TAF3: variants seen among roughly 807,000 people sequenced by gnomAD.
TAF3 encodes the protein transcription initiation factor TFIID subunit 3.
Under a neutral mutation model 80.6 loss-of-function variants are expected in TAF3, and 7 were observed. The observed-to-expected ratio is 0.09, with a 90% CI of 0.05 to 0.16. The LOEUF is 0.16. Among genes scored for constraint, TAF3 ranks in the 10% least tolerant of loss-of-function variants. The pLI is 1.00. For synonymous variants in TAF3, 444 were observed against 446.1 expected, an observed-to-expected ratio of 1.00 and a Z score of 0.06; for missense variants, 921 against 1,140.2, an observed-to-expected ratio of 0.81 and a Z score of 2.77.
At chr10:7,913,066 G>A (rs1026468724) in intron 2 of TAF3, among the ~76,000 whole-genome samples, 1 of 152,098 alleles carries the variant, frequency 6.6e-6, no homozygotes, top group Non-Finnish European at 1.5e-5. Context: ...CCTCACGCAA[G>A]GGTCTTTGTG....
chr10:7,859,596 C>CGCCCTCCATTT (rs889513175), intron 2 of TAF3, among the ~76,000 whole-genome samples: 2 of 152,196 alleles, frequency 1.3e-5, no homozygotes, highest in African/African-American at 4.8e-5. Flanking sequence ...GAACCTTAGA[C>CGCCCTCCATTT]GCCCTCCATT....
intron 2 of TAF3, among the ~76,000 whole-genome samples, chr10:7,849,589 C>G (rs1837006207): frequency 6.6e-6 from 1 of 151,878 alleles, no homozygotes; most frequent in Non-Finnish European, 1.5e-5. Flanking sequence ...TTTAGTATTG[C>G]TTAGTTCATA....
intron 5 of TAF3, among the ~76,000 whole-genome samples, chr10:8,011,813 T>C (rs877345): frequency 6.6e-6 from 1 of 152,226 alleles, no homozygotes; most frequent in Non-Finnish European, 1.5e-5. Context: ...CTAAAAGTTC[T>C]GGTTTTCCAG....
chr10:7,942,516 T>C (rs1837985388), intron 2 of TAF3, among the ~76,000 whole-genome samples: 1 of 152,226 alleles, frequency 6.6e-6, no homozygotes, highest in South Asian at 2.1e-4. Flanking sequence ...GATTTACCCA[T>C]AAAATTATAA....
intron 2 of TAF3, among the ~76,000 whole-genome samples, chr10:7,910,056 G>C (rs961086502): frequency 2.6e-5 from 4 of 152,016 alleles, no homozygotes; most frequent in African/African-American, 4.8e-5. Flanking sequence ...TATTTTTATA[G>C]GTTTTCATTG....
At chr10:7,988,824 T>A (rs962903346) in intron 4 of TAF3, among the ~76,000 whole-genome samples, 7 of 151,858 alleles carry the variant, frequency 4.6e-5, no homozygotes, top group African/African-American at 7.3e-5. Flanking sequence ...TTATTTATTT[T>A]TTTATAGTAC....
chr10:7,855,758 G>C (rs955935327), intron 2 of TAF3, among the ~76,000 whole-genome samples: 1 of 152,008 alleles, frequency 6.6e-6, no homozygotes, highest in Non-Finnish European at 1.5e-5. Context: ...CAACTTAGAG[G>C]AAACAGTCAT....
At chr10:7,922,077 C>G (rs1837768097) in intron 2 of TAF3, among the ~76,000 whole-genome samples, 1 of 151,998 alleles carries the variant, frequency 6.6e-6, no homozygotes, top group African/African-American at 2.4e-5. Context: ...CAGTGATGGC[C>G]TGTTTACTTA....
At chr10:7,864,679 G>C (rs967784960) in intron 2 of TAF3, among the ~76,000 whole-genome samples, 4 of 152,110 alleles carry the variant, frequency 2.6e-5, no homozygotes, top group Non-Finnish European at 5.9e-5. Context: ...AGCTGTGAAA[G>C]TTCTTTACCT....
chr10:7,834,727 T>C (rs755200959), intron 2 of TAF3, among the ~76,000 whole-genome samples: 4 of 152,208 alleles, frequency 2.6e-5, no homozygotes, highest in Non-Finnish European at 4.4e-5. Flanking sequence ...ATTAGAATAT[T>C]CCATAATTAT....
chr10:8,009,404 A>G lies in TAF3; in HGVS notation c.2568+74A>G. The G allele has an allele frequency of 2.0e-6, 3 of 1,486,264 alleles. No individual in the cohort carries two copies. The highest frequency in any genetic ancestry group is 2.7e-6 in the Non-Finnish European group (3 of 1,116,836). The allele number at this position is 1,486,264 out of a possible 1,614,324, so 92.1% of individuals were successfully genotyped here. On this transcript the variant is annotated intron_variant, in intron 5 of 6. Coordinates refer to ENST00000344293, the MANE Select transcript of TAF3 (RefSeq NM_031923.4). This position sits in a 1 kb window ranked among gnomAD's most constrained non-coding sequence, Gnocchi z 4.1. ...AGACAAGTGTGTGCTCTGAATCACTATCGAATTTCAGACGCATTTCTCTTC... is the reference window on the plus strand; with the variant it reads ...AGACAAGTGTGTGCTCTGAATCACTGTCGAATTTCAGACGCATTTCTCTTC...
intron 2 of TAF3, among the ~76,000 whole-genome samples, chr10:7,873,915 T>G (rs1837291598): frequency 6.6e-6 from 1 of 152,250 alleles, no homozygotes; most frequent in Non-Finnish European, 1.5e-5. Context: ...TTAGGTTCCC[T>G]GTATCATCTT....
chr10:7,900,138 T>G (rs894537912), intron 2 of TAF3, among the ~76,000 whole-genome samples: 5 of 152,202 alleles, frequency 3.3e-5, no homozygotes, highest in Admixed American at 2.6e-4. Flanking sequence ...TGCTACAACT[T>G]AGAATAGTTA....
In TAF3 at chr10:8,015,990, ACTC is replaced by A. The variant is rs1832100661; in HGVS notation, c.*1240_*1242del. ...GTATATTATGAATTTTTTTAAGAAA[ACTC>A]ATCAAATTTCAGGGTATCACAAAAC... On this transcript the variant is annotated 3_prime_UTR_variant, in exon 7 of 7. Transcript: ENST00000344293. 6.6e-5 allele frequency: 10 copies of A among 152,034 alleles called. No homozygotes were observed. Among genetic ancestry groups the A allele is most frequent in the Admixed American group, 6.5e-4 (10 of 15,270 alleles). The allele number at this position is 152,034 out of a possible 1,614,324, so 9.4% of individuals were successfully genotyped here.
At chr10:7,905,473 G>A (rs1837599542) in intron 2 of TAF3, among the ~76,000 whole-genome samples, 2 of 152,066 alleles carry the variant, frequency 1.3e-5, no homozygotes, top group South Asian at 4.1e-4. Context: ...TTTTTAGTTT[G>A]GATAACGAGT....
intron 2 of TAF3, among the ~76,000 whole-genome samples, chr10:7,886,609 C>T (rs538608680): frequency 6.6e-6 from 1 of 152,316 alleles, no homozygotes; most frequent in Admixed American, 6.5e-5. Context: ...AATAATATCT[C>T]ATGGGGTTAG....
At chr10:7,880,731 C>T (rs1397717114) in intron 2 of TAF3, among the ~76,000 whole-genome samples, 1 of 152,036 alleles carries the variant, frequency 6.6e-6, no homozygotes, top group African/African-American at 2.4e-5. Context: ...CTATTCTGAC[C>T]ACCAAGGTTA....
At chr10:7,885,800 G>A (rs1324249842) in intron 2 of TAF3, among the ~76,000 whole-genome samples, 3 of 152,128 alleles carry the variant, frequency 2.0e-5, no homozygotes, top group Non-Finnish European at 2.9e-5. Flanking sequence ...TTCTCTAAAT[G>A]GAGGCTCCTT....
At chr10:7,971,704 T>C (rs375198564) in intron 3 of TAF3, among the ~76,000 whole-genome samples, 6 of 152,190 alleles carry the variant, frequency 3.9e-5, no homozygotes, top group African/African-American at 1.2e-4. Context: ...ATTTCCCCTT[T>C]AAATCTCTTG....
Sources: gnomAD v4.1 joint callset for allele counts (sites outside exome capture counted in the v4.1 genomes callset) on GRCh38, gnomAD v4.1.1 for gene constraint, Gnocchi (gnomAD v3.1) non-coding constraint, MANE v1.5 for transcripts, NCBI Gene and HGNC (gene_info 2026-07-23, HGNC 2026-07-21) for gene names.